ZNF729: variants seen among roughly 807,000 people sequenced by gnomAD.
The protein encoded by ZNF729 is zinc finger protein 729.
In ZNF729, 15 loss-of-function variants were observed where a neutral mutation model predicts 12.2. That is an observed-to-expected ratio of 1.23 (90% CI 0.82 to 1.89). The LOEUF is 1.89. ZNF729 is among the 40% of genes most tolerant of loss of function. The probability of loss-of-function intolerance (pLI) is 0.00; values close to 1 mark genes in which losing one functional copy is unlikely to be tolerated. For synonymous variants in ZNF729, 492 were observed against 476.3 expected (o/e 1.03, Z -0.43); for missense variants, 1,540 against 1,456.7 (o/e 1.06, Z -0.93).
At chr19:22,307,189 T>C (rs111840114) in intron 3 of ZNF729, among the ~76,000 whole-genome samples, 3,792 of 152,130 alleles carry the variant, frequency 0.025, 153 homozygotes, top group African/African-American at 0.087. Context: ...TCTCTTGTTA[T>C]ATATGCAGAG....
In ZNF729 at chr19:22,314,700, GAA is replaced by G; in HGVS notation, c.1285_1286del (p.Lys429GlufsTer6). The G allele has an allele frequency of 6.2e-7, 1 of 1,612,750 alleles. No homozygotes were observed. The highest frequency in any genetic ancestry group is 1.3e-5 in the African/African-American group (1 of 74,878). ...AAAAAACATAAGATAATTCATACTG[GAA>G]AGAAACCCTACAAATGTGAAGAATG... is the stretch of plus-strand genomic sequence containing the variant. On this transcript the variant is annotated frameshift_variant, in exon 4 of 4. Transcript: ENST00000601693. LOFTEE classifies it low-confidence loss of function (END_TRUNC).
chr19:22,310,231 T>C (rs567662828), intron 3 of ZNF729, among the ~76,000 whole-genome samples: 2 of 152,212 alleles, frequency 1.3e-5, no homozygotes, highest in South Asian at 4.1e-4. Context: ...CTAAGACTTC[T>C]AGTACTGTGT....
chr19:22,314,109 C>G lies in ZNF729; in HGVS notation c.692C>G (p.Thr231Ser). 6.5e-7 allele frequency: 1 copy of G among 1,549,286 alleles called. No homozygotes were observed. Among genetic ancestry groups the G allele is most frequent in the South Asian group, 1.2e-5 (1 of 83,996 alleles). ...STLTKHKIIH[T>S]EDKPYKYKKC... ...CTTACTAAACATAAGATAATTCATA[C>G]TGAAGACAAACCTTACAAATATAAG... Residue 231 changes from threonine (T) to serine (S), a missense_variant, in exon 4 of 4, where the codon ACT (threonine) becomes AGT (serine). Coordinates refer to ENST00000601693, the MANE Select transcript of ZNF729 (RefSeq NM_001242680.2).
At chr19:22,303,034 C>T (rs1968333651) in intron 1 of ZNF729, among the ~76,000 whole-genome samples, 2 of 152,214 alleles carry the variant, frequency 1.3e-5, no homozygotes, top group African/African-American at 4.8e-5. Context: ...CTCAGCCTCC[C>T]AAAGTGCTGG....
chr19:22,293,136 A>G (rs1412363380), intron 1 of ZNF729, among the ~76,000 whole-genome samples: 2 of 152,060 alleles, frequency 1.3e-5, no homozygotes, highest in Non-Finnish European at 2.9e-5. Flanking sequence ...TATGCTTGTT[A>G]GCCACATATA....
intron 2 of ZNF729, 97 bp downstream of exon 2, chr19:22,303,981 A>G: frequency 4.7e-6 from 6 of 1,272,354 alleles, no homozygotes; most frequent in Non-Finnish European, 5.3e-6. Context: ...CTTACTATAA[A>G]TGAGTTTCAC....
chr19:22,289,408 A>G (rs60568747), intron 1 of ZNF729, among the ~76,000 whole-genome samples: 8,631 of 151,546 alleles, frequency 0.057, 797 homozygotes, highest in African/African-American at 0.2. Flanking sequence ...TGTATTTTTA[A>G]TAGAGATGGG....
Position 22,313,996 on chromosome 19 carries a change from A to G in ZNF729, c.579A>G (p.Ser193=), listed in dbSNP as rs1422209677. The G allele has an allele frequency of 3.2e-6, 5 of 1,540,220 alleles. No individual in the cohort carries two copies. Among genetic ancestry groups the G allele is most frequent in the Non-Finnish European group, 4.4e-6 (5 of 1,146,180 alleles). Residue 193 remains serine (S), a synonymous_variant, in exon 4 of 4, where the codon TCA becomes TCG. Transcript: ENST00000601693. ...GTAGCAAATCATTTTTCATGCTTTC[A>G]TGCTTAATTCGACATAAGAGAATTC... The part of the protein sequence containing the change: ...IKCSKSFFML[S]CLIRHKRIHI...
Position 22,314,900 on chromosome 19 carries a change from A to G in ZNF729, c.1483A>G (p.Lys495Glu). 4 of 1,613,458 alleles carry G rather than the reference A, an allele frequency of 2.5e-6. No homozygotes were observed. Among genetic ancestry groups the G allele is most frequent in the Non-Finnish European group, 3.4e-6 (4 of 1,179,888 alleles). The change falls in exon 4 of 4, where the codon AAA becomes GAA. Residue 495 changes from lysine (K) to glutamate (E), a missense_variant. Transcript: ENST00000601693. ...ACCCTACAAATGTGAAGAATGTGGC[A>G]AAGCTTTTAACCATTTCTCAGACCT... ...EKPYKCEECG[K>E]AFNHFSDLRR... is the part of the protein sequence containing the mutation.
intron 3 of ZNF729, among the ~76,000 whole-genome samples, chr19:22,310,371 T>A (rs965409433): frequency 1.4e-4 from 22 of 152,174 alleles, no homozygotes; most frequent in African/African-American, 5.3e-4. Flanking sequence ...TTGATGTATG[T>A]CCCTTGTATG....
In ZNF729 at chr19:22,314,196, G is replaced by T. The variant is rs764401998; in HGVS notation, c.779G>T (p.Gly260Val). 26 of 1,596,410 alleles carry T rather than the reference G, an allele frequency of 1.6e-5. No homozygotes were observed. In the African/African-American group the frequency reaches 3.4e-4, roughly 21 times the overall value. ...ACTAAACATAAGAGAATTCATACTG[G>T]AGAGACACCTTTCAGATGTGAAGAA... ...TFTKHKRIHT[G>V]ETPFRCEECG... Residue 260 changes from glycine (G) to valine (V), a missense_variant, in exon 4 of 4, where the codon GGA (glycine) becomes GTA (valine). Transcript: ENST00000601693.
chr19:22,289,226 ATTTT>A (rs373375131), intron 1 of ZNF729, among the ~76,000 whole-genome samples: 1 of 140,516 alleles, frequency 7.1e-6, no homozygotes. Context: ...CCATTTGTTA[ATTTT>A]TTTTTTTTTT....
chr19:22,303,758 G>A lies in ZNF729; in HGVS notation c.31G>A (p.Gly11Arg). Residue 11 changes from glycine to arginine, a missense_variant and splice_region_variant, in exon 2 of 4, where the codon GGA becomes AGA. By Grantham distance (125) the Gly-to-Arg change is moderately radical. Transcript: ENST00000601693. MPGAPGSLEM[G>R]PLTFRDVTIE... ...ATGTGTCTTTCGTTGTGTTTTTCAGGGACCATTGACATTTAGAGATGTGAC... is the reference window on the plus strand; with the variant it reads ...ATGTGTCTTTCGTTGTGTTTTTCAGAGACCATTGACATTTAGAGATGTGAC... 6.4e-7 allele frequency: 1 copy of A among 1,553,388 alleles called. No homozygotes were observed. Among genetic ancestry groups the A allele is most frequent in the Admixed American group, 1.8e-5 (1 of 55,584 alleles).
At chr19:22,307,452 T>A (rs1968393286) in intron 3 of ZNF729, among the ~76,000 whole-genome samples, 1 of 130,902 alleles carries the variant, frequency 7.6e-6, no homozygotes, top group Non-Finnish European at 1.5e-5. Context: ...ATTAAGAATA[T>A]TTTTTTTTCA....
intron 1 of ZNF729, among the ~76,000 whole-genome samples, chr19:22,298,704 G>C (rs1351619390): frequency 1.3e-5 from 2 of 152,050 alleles, no homozygotes; most frequent in Non-Finnish European, 2.9e-5. Context: ...AGTAGAGACG[G>C]GGTTTCACCG....
At chr19:22,307,218 C>G (rs947925052) in intron 3 of ZNF729, among the ~76,000 whole-genome samples, 3 of 151,134 alleles carry the variant, frequency 2.0e-5, no homozygotes, top group African/African-American at 4.9e-5. Context: ...TGTTTTTGTG[C>G]TGATCTTGAA....
At chr19:22,299,328 C>T (rs1033740181) in intron 1 of ZNF729, 1 of 152,196 alleles carries the variant, frequency 6.6e-6, no homozygotes, top group Non-Finnish European at 1.5e-5. Flanking sequence ...TTCCCAGGTT[C>T]AAGTGATTTT....
At chr19:22,308,249 C>T (rs1968409439) in intron 3 of ZNF729, among the ~76,000 whole-genome samples, 1 of 152,128 alleles carries the variant, frequency 6.6e-6, no homozygotes, top group Non-Finnish European at 1.5e-5. Context: ...CTCACAGTTT[C>T]TTTATCCACT....
intron 1 of ZNF729, among the ~76,000 whole-genome samples, chr19:22,296,444 T>G (rs1404475953): frequency 6.6e-6 from 1 of 151,966 alleles, no homozygotes; most frequent in Non-Finnish European, 1.5e-5. Flanking sequence ...CAATAGTTAT[T>G]TGTATTTTTA....
Sources: allele counts gnomAD v4.1 joint callset (sites outside exome capture counted in the v4.1 genomes callset), GRCh38; gene constraint gnomAD v4.1.1; transcripts MANE v1.5; gene names NCBI Gene and HGNC (gene_info 2026-07-23, HGNC 2026-07-21).